The following GPR171 variants were observed in gnomAD, a reference collection of about 807,000 sequenced individuals.
The protein encoded by GPR171 is F730001G15Rik.
GPR171 carries 14 observed loss-of-function variants against 16.7 expected under a neutral mutation model. The observed-to-expected ratio is 0.84, with a 90% CI of 0.55 to 1.31. The LOEUF is 1.31. GPR171 is among the 40% of genes most tolerant of loss of function. The pLI, the probability that GPR171 is intolerant of heterozygous loss-of-function variation, is 0.00. For missense variants in GPR171, 337 were observed against 378.9 expected, an observed-to-expected ratio of 0.89 and a Z score of 0.92; for synonymous variants, 134 against 135.6, an observed-to-expected ratio of 0.99 and a Z score of 0.08.
At position 151,198,265 on chromosome 3, in the gene GPR171, A is replaced by C. The variant is rs930259607; in HGVS notation, c.*162T>G. On this transcript the variant is annotated 3_prime_UTR_variant, in exon 3 of 3. Transcript: ENST00000309180. ...AGCCTAACAATAAAGCTTGACTTGCATTTAGAAACAGGATTTCTAAGTAAA... is the reference window on the plus strand; with the variant it reads ...AGCCTAACAATAAAGCTTGACTTGCCTTTAGAAACAGGATTTCTAAGTAAA... 2 of 547,326 alleles carry C rather than the reference A, an allele frequency of 3.7e-6. No homozygotes were observed. The highest frequency in any genetic ancestry group is 7.1e-5 in the Admixed American group (2 of 28,154). 33.9% of individuals were successfully genotyped at this position (547,326 alleles called of 1,614,324 possible).
At chr3:151,199,630 G>T (rs559905661) in intron 2 of GPR171, among the ~76,000 whole-genome samples, 191 bp from the exon 3 acceptor site, 103 of 151,314 alleles carry the variant, frequency 6.8e-4, no homozygotes, top group Admixed American at 1.5e-3. Flanking sequence ...GTCTGATTTT[G>T]TGACTTTCAG....
In GPR171 at chr3:151,198,394, G is replaced by A. The variant is rs1177809541; in HGVS notation, c.*33C>T. On this transcript the variant is annotated 3_prime_UTR_variant, in exon 3 of 3. Coordinates refer to ENST00000309180, the MANE Select transcript of GPR171 (RefSeq NM_013308.4). ...TATAATTAACTTTATGGTCCAGTAA[G>A]GCCAGAATTGGTAGCACAAAAAATC... The A allele has an allele frequency of 1.3e-6, 2 of 1,492,242 alleles. No individual in the cohort carries two copies. The highest frequency in any genetic ancestry group is 2.8e-5 in the African/African-American group (2 of 70,346). 92.4% of individuals were successfully genotyped at this position (1,492,242 alleles called of 1,614,324 possible).
intron 2 of GPR171, 117 bp from the exon 3 acceptor site, chr3:151,199,556 A>G (rs980270293): frequency 1.7e-6 from 1 of 603,482 alleles, no homozygotes; most frequent in Admixed American, 3.0e-5. Context: ...TTATTGGTGA[A>G]CTTACCAGAC....
intron 1 of GPR171, among the ~76,000 whole-genome samples, chr3:151,201,325 G>A (rs1050774654): frequency 6.6e-5 from 10 of 151,972 alleles, no homozygotes; most frequent in Non-Finnish European, 1.5e-5. Context: ...CCATAACCTA[G>A]TTTCTCTCTA....
intron 2 of GPR171, among the ~76,000 whole-genome samples, chr3:151,200,159 C>G (rs963992021): frequency 1.0e-4 from 15 of 147,004 alleles, no homozygotes; most frequent in Admixed American, 6.1e-4. Flanking sequence ...AAGCATAAGA[C>G]ATACCCTTAG....
chr3:151,200,121 G>A (rs1017299125), intron 2 of GPR171, among the ~76,000 whole-genome samples: 13 of 144,334 alleles, frequency 9.0e-5, no homozygotes, highest in Non-Finnish European at 1.7e-4. Flanking sequence ...TTCTTTCATT[G>A]TGGGTTTTGA....
chr3:151,198,308 G>T lies in GPR171; in HGVS notation c.*119C>A. The T allele has an allele frequency of 1.4e-6, 1 of 739,694 alleles. No individual in the cohort carries two copies. Among genetic ancestry groups the T allele is most frequent in the Non-Finnish European group, 2.1e-6 (1 of 486,238 alleles). The allele number at this position is 739,694 out of a possible 1,614,324, so 45.8% of individuals were successfully genotyped here. On this transcript the variant is annotated 3_prime_UTR_variant, in exon 3 of 3. Transcript: ENST00000309180. ...TAAGTAAACCTGTCCATATTTGCTAGCTAACTGTATTTTTTCATACTGAGT... is the reference window on the plus strand; with the variant it reads ...TAAGTAAACCTGTCCATATTTGCTATCTAACTGTATTTTTTCATACTGAGT...
chr3:151,201,649 G>A (rs568107221), intron 1 of GPR171, among the ~76,000 whole-genome samples: 1 of 152,284 alleles, frequency 6.6e-6, no homozygotes, highest in East Asian at 1.9e-4. Context: ...TTATTCCAGA[G>A]CTTTAAGGAA....
chr3:151,198,687 T>A lies in GPR171; in HGVS notation c.700A>T (p.Ile234Leu). The A allele has an allele frequency of 5.0e-6, 8 of 1,614,108 alleles. No homozygotes were observed. Among genetic ancestry groups the A allele is most frequent in the Non-Finnish European group, 6.8e-6 (8 of 1,179,956 alleles). The change falls in exon 3 of 3, where the codon ATA becomes TTA. Residue 234 changes from isoleucine to leucine, a missense_variant. Physicochemically the swap from Ile to Leu is conservative, Grantham distance 5. Transcript: ENST00000309180. ...NILLVTTGYI[I>L]CFVPYHIVRI... The stretch of plus-strand genomic sequence containing the variant: ...ACAATGTGGTAAGGAACAAAGCATA[T>A]GATGTAGCCCGTGGTCACTAAAAGT...
chr3:151,202,395 G>A (rs1038222042), intron 1 of GPR171, among the ~76,000 whole-genome samples: 1 of 152,230 alleles, frequency 6.6e-6, no homozygotes, highest in Non-Finnish European at 1.5e-5. Flanking sequence ...AACTGGCTGG[G>A]CACAGTGGCT....
intron 2 of GPR171, among the ~76,000 whole-genome samples, chr3:151,200,130 G>A (rs1381200276): frequency 1.4e-5 from 2 of 143,258 alleles, no homozygotes; most frequent in African/African-American, 2.5e-5. Context: ...TGTGGGTTTT[G>A]AAGCAGTTAA....
intron 1 of GPR171, 43 bp from the exon 2 acceptor site, chr3:151,201,040 G>A (rs1038144609): frequency 1.2e-4 from 19 of 152,232 alleles, no homozygotes; most frequent in African/African-American, 4.6e-4. Flanking sequence ...AAATGATAAT[G>A]ATTATTATTA....
rs756728573 is a variant in GPR171 at position 151,198,922 on chromosome 3, T to G, written c.465A>C (p.Lys155Asn). 1 of 1,614,104 alleles carries G rather than the reference T, an allele frequency of 6.2e-7. No homozygotes were observed. Among genetic ancestry groups the G allele is most frequent in the East Asian group, 2.2e-5 (1 of 44,886 alleles). Residue 155 changes from lysine (K) to asparagine (N), a missense_variant, in exon 3 of 3, where the codon AAA becomes AAC. By Grantham distance (94) the Lys-to-Asn change is moderately conservative. Coordinates refer to ENST00000309180, the MANE Select transcript of GPR171 (RefSeq NM_013308.4). ...CCACATTTGACTTTTCCTTGATGTCTTTGATGGGAATCATCATATTTGGCA... is the reference window on the plus strand; with the variant it reads ...CCACATTTGACTTTTCCTTGATGTCGTTGATGGGAATCATCATATTTGGCA... ...IMVPNMMIPI[K>N]DIKEKSNVGC...
chr3:151,201,221 A>ACTCT (rs199616990), intron 1 of GPR171, among the ~76,000 whole-genome samples: 2,512 of 149,072 alleles, frequency 0.017, 75 homozygotes, highest in African/African-American at 0.06. Context: ...CCACGTGCAC[A>ACTCT]CACTCTCTCT....
At chr3:151,201,925 C>T (rs1362679240) in intron 1 of GPR171, among the ~76,000 whole-genome samples, 5 of 152,126 alleles carry the variant, frequency 3.3e-5, no homozygotes. Flanking sequence ...ATTGCTTGCA[C>T]AACTATAAAA....
At position 151,198,848 on chromosome 3, in the gene GPR171, G is replaced by T; in HGVS notation, c.539C>A (p.Thr180Lys). 1 of 1,613,564 alleles carries T rather than the reference G, an allele frequency of 6.2e-7. No individual in the cohort carries two copies. Among genetic ancestry groups the T allele is most frequent in the Non-Finnish European group, 8.5e-7 (1 of 1,179,544 alleles). Residue 180 changes from threonine (T) to lysine (K), a missense_variant, in exon 3 of 3, where the codon ACA becomes AAA. By Grantham distance (78) the Thr-to-Lys change is moderately conservative. Transcript: ENST00000309180. ...KEFGRNWHLL[T>K]NFICVAIFLN... The stretch of plus-strand genomic sequence containing the variant: ...AAATATTGCTACACATATGAAATTT[G>T]TCAGCAAATGCCAATTTCTTCCAAA...
At chr3:151,200,352 T>A (rs183487911) in intron 2 of GPR171, among the ~76,000 whole-genome samples, 1 of 152,338 alleles carries the variant, frequency 6.6e-6, no homozygotes, top group Admixed American at 6.5e-5. Flanking sequence ...TGCCTGTTGG[T>A]GTGGGTCCCC....
chr3:151,202,787 T>G (rs1434602348), intron 1 of GPR171, among the ~76,000 whole-genome samples: 1 of 152,190 alleles, frequency 6.6e-6, no homozygotes, highest in Admixed American at 6.5e-5. Flanking sequence ...TTAAGGCCTG[T>G]TGTTCCCTGT....
chr3:151,200,616 A>G (rs918161277), intron 2 of GPR171, among the ~76,000 whole-genome samples: 2 of 152,202 alleles, frequency 1.3e-5, no homozygotes, highest in Non-Finnish European at 2.9e-5. Context: ...TAATGAAACA[A>G]TGTATGCAAA....
Sources: gnomAD v4.1 joint callset for allele counts (sites outside exome capture counted in the v4.1 genomes callset) on GRCh38, gnomAD v4.1.1 for gene constraint, MANE v1.5 for transcripts, NCBI Gene and HGNC (gene_info 2026-07-23, HGNC 2026-07-21) for gene names.